The following DNER variants were observed in gnomAD, a reference collection of about 807,000 sequenced individuals.
DNER encodes delta/notch like EGF repeat containing.
DNER carries 33 observed loss-of-function variants against 78.2 expected under a neutral mutation model. The ratio of observed to expected loss-of-function variants is 0.42; its 90% confidence interval spans 0.32 to 0.56. The LOEUF (loss-of-function observed/expected upper bound fraction) is 0.56, where lower values mean the gene tolerates loss of function less well. DNER is among the 20% of genes least tolerant of loss of function. The pLI is 0.11. For synonymous variants in DNER, 417 were observed against 384.8 expected, an observed-to-expected ratio of 1.08 and a Z score of -0.98; for missense variants, 918 against 975.3, an observed-to-expected ratio of 0.94 and a Z score of 0.78.
intron 7 of DNER, among the ~76,000 whole-genome samples, chr2:229,456,550 C>T (rs73101894): frequency 0.077 from 11,645 of 151,938 alleles, 1,415 homozygotes; most frequent in African/African-American, 0.25. Context: ...CATGGTCTTA[C>T]ACTTCTGGTC....
intron 1 of DNER, among the ~76,000 whole-genome samples, chr2:229,613,774 T>C (rs984391406): frequency 1.3e-5 from 2 of 152,200 alleles, no homozygotes; most frequent in Non-Finnish European, 2.9e-5. Context: ...CAGTTTGAGC[T>C]GGGTGAATCT....
rs74529915 is a variant in DNER at position 229,619,135 on chromosome 2, C to T, written c.277-27247G>A. On this transcript the variant is annotated intron_variant, in intron 1 of 12. Transcript: ENST00000341772. ...CCTGGGGGACAAAGTGAAACCCTGT[C>T]TCTAAAAAAATTTATACACACACAC... Among the ~76,000 whole-genome samples the T allele has an allele frequency of 9.8e-3, 1,482 of 150,926 alleles. 21 individuals are homozygous for T. Among genetic ancestry groups the T allele is most frequent in the African/African-American group, 0.035 (1,424 of 40,782 alleles).
chr2:229,460,111 C>A (rs1401043081), intron 7 of DNER, among the ~76,000 whole-genome samples: 2 of 130,902 alleles, frequency 1.5e-5, no homozygotes, highest in Non-Finnish European at 3.1e-5. Flanking sequence ...GAGCAGAGAT[C>A]GCGCCACTAC....
intron 5 of DNER, among the ~76,000 whole-genome samples, chr2:229,546,548 C>T (rs1410099901): frequency 1.3e-5 from 2 of 152,132 alleles, no homozygotes; most frequent in East Asian, 1.9e-4. Context: ...CCAGCCTGGC[C>T]AACATGGCAA....
At chr2:229,626,990 G>A (rs1698356677) in intron 1 of DNER, among the ~76,000 whole-genome samples, 1 of 152,214 alleles carries the variant, frequency 6.6e-6, no homozygotes, top group African/African-American at 2.4e-5. Context: ...CTGAGGTCAA[G>A]GGATGTTAAT....
chr2:229,566,570 G>A (rs1029071695), intron 4 of DNER, among the ~76,000 whole-genome samples: 9 of 152,060 alleles, frequency 5.9e-5, no homozygotes, highest in African/African-American at 9.7e-5. Flanking sequence ...TTTGCATCAC[G>A]GGTGCTGTCA....
At chr2:229,435,978 CA>C (rs1338531082) in intron 8 of DNER, among the ~76,000 whole-genome samples, 1 of 152,022 alleles carries the variant, frequency 6.6e-6, no homozygotes, top group Admixed American at 6.6e-5. Context: ...ATTTTAGGTT[CA>C]GGGATACACA....
rs1699704201 is a variant in DNER at position 229,699,032 on chromosome 2, C to G, written c.276+15116G>C. Among the ~76,000 whole-genome samples the G allele has an allele frequency of 2.0e-5, 3 of 152,100 alleles. No individual in the cohort carries two copies. The South Asian group carries it at 6.2e-4, about 32-fold the overall frequency. Reference sequence around the variant, plus strand: ...AAGCATAAGGGAAATTTGCATTTTGCTGAATATTAGTGCAAGCCTTTCTGC... The same window carrying G: ...AAGCATAAGGGAAATTTGCATTTTGGTGAATATTAGTGCAAGCCTTTCTGC... On this transcript the variant is annotated intron_variant, in intron 1 of 12. Transcript: ENST00000341772.
At chr2:229,675,824 G>A (rs1699292547) in intron 1 of DNER, among the ~76,000 whole-genome samples, 1 of 152,160 alleles carries the variant, frequency 6.6e-6, no homozygotes, top group Admixed American at 6.5e-5. Flanking sequence ...TGCTCAGCAG[G>A]CAAATGGGCC....
intron 7 of DNER, among the ~76,000 whole-genome samples, chr2:229,466,964 T>C (rs1694818245): frequency 6.6e-6 from 1 of 152,126 alleles, no homozygotes; most frequent in African/African-American, 2.4e-5. Context: ...TTTGAGCACA[T>C]TTGAGCATAA....
intron 5 of DNER, among the ~76,000 whole-genome samples, chr2:229,533,816 C>G (rs1696352402): frequency 6.6e-6 from 1 of 152,186 alleles, no homozygotes; most frequent in South Asian, 2.1e-4. Flanking sequence ...GCAAAATAAG[C>G]AAGAGTTTTT....
intron 1 of DNER, among the ~76,000 whole-genome samples, chr2:229,620,553 C>A (rs747533601): frequency 1.5e-4 from 23 of 152,196 alleles, no homozygotes; most frequent in Non-Finnish European, 2.9e-4. Context: ...CAGCCCTCTG[C>A]GGTTTGGGGT....
intron 1 of DNER, among the ~76,000 whole-genome samples, chr2:229,657,488 A>C (rs1028169257): frequency 6.6e-6 from 1 of 152,204 alleles, no homozygotes; most frequent in Non-Finnish European, 1.5e-5. Flanking sequence ...CTCAAAAAAC[A>C]ATTTTAGGAC....
chr2:229,551,933 AAAATAAAT>A (rs540078336), intron 4 of DNER, among the ~76,000 whole-genome samples: 22 of 151,576 alleles, frequency 1.5e-4, no homozygotes, highest in Non-Finnish European at 2.9e-4. Flanking sequence ...TCCATCTCAA[AAAATAAAT>A]AAATAAATAA....
At chr2:229,553,213 G>A (rs1696785296) in intron 4 of DNER, among the ~76,000 whole-genome samples, 1 of 152,140 alleles carries the variant, frequency 6.6e-6, no homozygotes, top group Non-Finnish European at 1.5e-5. Context: ...TAGTGCCAGG[G>A]GATTGGCACA....
At chr2:229,380,639 G>T (rs1048867579) in intron 11 of DNER, among the ~76,000 whole-genome samples, 2 of 151,214 alleles carry the variant, frequency 1.3e-5, no homozygotes, top group East Asian at 3.9e-4. Flanking sequence ...TTGAAAACTC[G>T]ATTGCAGTCA....
intron 4 of DNER, among the ~76,000 whole-genome samples, chr2:229,548,454 A>G (rs1177387690): frequency 6.6e-6 from 1 of 152,218 alleles, no homozygotes; most frequent in African/African-American, 2.4e-5. Flanking sequence ...GACATGGATG[A>G]AGCTGGAAAC....
intron 1 of DNER, among the ~76,000 whole-genome samples, chr2:229,649,288 G>A (rs1465227272): frequency 6.6e-6 from 1 of 152,110 alleles, no homozygotes; most frequent in Non-Finnish European, 1.5e-5. Context: ...AAGATTGACT[G>A]CAAAGATGCT....
chr2:229,568,789 T>C (rs1235510704), intron 4 of DNER, among the ~76,000 whole-genome samples: 1 of 152,170 alleles, frequency 6.6e-6, no homozygotes, highest in African/African-American at 2.4e-5. Context: ...CTTAAACTCC[T>C]ACGCTCAGGC....
Sources: allele counts gnomAD v4.1 joint callset (sites outside exome capture counted in the v4.1 genomes callset), GRCh38; gene constraint gnomAD v4.1.1; transcripts MANE v1.5; gene names NCBI Gene and HGNC (gene_info 2026-07-23, HGNC 2026-07-21).